The following ATG7 variants were observed in gnomAD, a reference collection of about 807,000 sequenced individuals.
The protein encoded by ATG7 is autophagy related 7, also known as ubiquitin-like modifier-activating enzyme ATG7.
ATG7 carries 70 observed loss-of-function variants against 82.4 expected under a neutral mutation model. That is an observed-to-expected ratio of 0.85 (90% confidence interval 0.70 to 1.04). ATG7 has a LOEUF of 1.04. Among genes scored for constraint, ATG7 ranks in the 50% least tolerant of loss-of-function variants. ATG7 has a pLI of 0.00. For missense variants in ATG7, 792 were observed against 864.3 expected (o/e 0.92, Z 1.05); for synonymous variants, 287 against 313.0 (o/e 0.92, Z 0.88).
chr3:11,548,274 T>C (rs1285562486), intron 20 of ATG7, among the ~76,000 whole-genome samples: 2 of 152,200 alleles, frequency 1.3e-5, no homozygotes, highest in Non-Finnish European at 2.9e-5. Flanking sequence ...CCTGTCTTTA[T>C]ATATTCTAGA....
At chr3:11,429,742 G>A (rs1300334057) in intron 20 of ATG7, among the ~76,000 whole-genome samples, 1 of 151,826 alleles carries the variant, frequency 6.6e-6, no homozygotes, top group Non-Finnish European at 1.5e-5. Context: ...GAGCTCAGGA[G>A]TTTGAGACCA....
In ATG7 at chr3:11,272,425, G is replaced by C. The variant is rs1940630434; in HGVS notation, c.-371G>C. On this transcript the variant is annotated 5_prime_UTR_variant, in exon 1 of 21. Coordinates refer to ENST00000693202, the MANE Select transcript of ATG7 (RefSeq NM_001349232.2). ...GAGAGCTGTGGTTGCCGGAAGTTGAGCGGCGGTAAGTGAGCCGCGGCGGGC... is the reference window on the plus strand; with the variant it reads ...GAGAGCTGTGGTTGCCGGAAGTTGACCGGCGGTAAGTGAGCCGCGGCGGGC... 1 of 152,514 alleles carries C rather than the reference G, an allele frequency of 6.6e-6. No individual in the cohort carries two copies. Among genetic ancestry groups the C allele is most frequent in the Non-Finnish European group, 1.5e-5 (1 of 68,134 alleles). 9.4% of individuals were successfully genotyped at this position (152,514 alleles called of 1,614,324 possible).
At position 11,272,414 on chromosome 3, in the gene ATG7, C is replaced by G. The variant is rs1212982653; in HGVS notation, c.-382C>G. 6.6e-6 allele frequency: 1 copy of G among 152,482 alleles called. No individual in the cohort carries two copies. The allele number at this position is 152,482 out of a possible 1,614,324, so 9.4% of individuals were successfully genotyped here. On this transcript the variant is annotated 5_prime_UTR_variant, in exon 1 of 21. Coordinates refer to ENST00000693202, the MANE Select transcript of ATG7 (RefSeq NM_001349232.2). ...CGCGCCTCAGAGAGAGCTGTGGTTG[C>G]CGGAAGTTGAGCGGCGGTAAGTGAG... is the stretch of plus-strand genomic sequence containing the variant.
intron 6 of ATG7, among the ~76,000 whole-genome samples, chr3:11,307,828 C>T (rs945252383): frequency 6.6e-6 from 1 of 152,152 alleles, no homozygotes; most frequent in Non-Finnish European, 1.5e-5. Context: ...GGTGTGGGTG[C>T]AGTGGTCAGG....
chr3:11,479,956 C>T (rs2088730724), intron 20 of ATG7, among the ~76,000 whole-genome samples: 2 of 149,504 alleles, frequency 1.3e-5, no homozygotes, highest in African/African-American at 4.9e-5. Context: ...GAGATGGAGT[C>T]TCCCTCTGTC....
intron 20 of ATG7, among the ~76,000 whole-genome samples, chr3:11,455,449 C>T (rs563957736): frequency 3.7e-4 from 57 of 152,312 alleles, no homozygotes; most frequent in African/African-American, 1.1e-3. Flanking sequence ...TGGTGGTCCA[C>T]TCATACCTCC....
intron 13 of ATG7, 111 bp downstream of exon 13, chr3:11,342,390 C>T: frequency 7.7e-7 from 1 of 1,295,430 alleles, no homozygotes; most frequent in Non-Finnish European, 1.0e-6. Flanking sequence ...CTCCATCTCT[C>T]CCTCCCTTCC....
At chr3:11,435,026 T>A (rs1415374015) in intron 20 of ATG7, among the ~76,000 whole-genome samples, 1 of 152,100 alleles carries the variant, frequency 6.6e-6, no homozygotes, top group Non-Finnish European at 1.5e-5. Flanking sequence ...TAGAAAAAAA[T>A]GAAATGCTTT....
intron 3 of ATG7, among the ~76,000 whole-genome samples, chr3:11,282,884 A>C (rs1024787462): frequency 2.0e-5 from 3 of 152,140 alleles, no homozygotes; most frequent in Non-Finnish European, 4.4e-5. Flanking sequence ...TCCTTTTTAC[A>C]CATCAGCAGC....
intron 3 of ATG7, among the ~76,000 whole-genome samples, chr3:11,293,319 C>A (rs1945266133): frequency 6.6e-6 from 1 of 151,654 alleles, no homozygotes; most frequent in African/African-American, 2.4e-5. Flanking sequence ...TGCTTGAGGT[C>A]AGGAGTTTGA....
chr3:11,574,002 C>T, the ATG7 span, among the ~76,000 whole-genome samples: 1 of 152,198 alleles, frequency 6.6e-6, no homozygotes, highest in African/African-American at 2.4e-5. Context: ...CCGTCATCAA[C>T]AAGCCATGGA....
intron 20 of ATG7, among the ~76,000 whole-genome samples, chr3:11,503,411 C>G (rs2091481048): frequency 6.6e-6 from 1 of 152,058 alleles, no homozygotes; most frequent in Non-Finnish European, 1.5e-5. Context: ...TATATCTTAT[C>G]CCTCAGTGAA....
At chr3:11,527,410 T>C (rs919747402) in intron 20 of ATG7, among the ~76,000 whole-genome samples, 5 of 152,144 alleles carry the variant, frequency 3.3e-5, no homozygotes, top group Admixed American at 2.6e-4. Context: ...TTTTTTCTTA[T>C]ATTGAACCAT....
intron 20 of ATG7, among the ~76,000 whole-genome samples, chr3:11,519,973 C>T (rs1036803158): frequency 5.3e-5 from 8 of 152,128 alleles, no homozygotes; most frequent in Non-Finnish European, 8.8e-5. Flanking sequence ...GATCTTACCA[C>T]GGAAATAGCT....
the ATG7 span, chr3:11,568,844 C>A: frequency 1.6e-5 from 22 of 1,390,630 alleles, no homozygotes; most frequent in Middle Eastern, 5.4e-4. This position sits in a 1 kb window ranked among gnomAD's most constrained non-coding sequence, Gnocchi z 5.9. Context: ...TGAGTGGCTC[C>A]GTGCCAGGCC....
At chr3:11,317,274 G>T (rs1268266888) in intron 9 of ATG7, among the ~76,000 whole-genome samples, 2 of 152,274 alleles carry the variant, frequency 1.3e-5, no homozygotes, top group East Asian at 1.9e-4. Context: ...CCAATCTAGT[G>T]TGAAGTCCTC....
At chr3:11,284,513 C>T (rs1270994779) in intron 3 of ATG7, among the ~76,000 whole-genome samples, 1 of 152,150 alleles carries the variant, frequency 6.6e-6, no homozygotes, top group Admixed American at 6.5e-5. Context: ...CTTCGTAGGA[C>T]TGGTATGGTT....
chr3:11,448,508 C>T (rs2084791795), intron 20 of ATG7, among the ~76,000 whole-genome samples: 1 of 152,226 alleles, frequency 6.6e-6, no homozygotes, highest in Non-Finnish European at 1.5e-5. Flanking sequence ...AGTCTAAAAA[C>T]TTACTTGCCG....
At chr3:11,521,710 G>C (rs551673553) in intron 20 of ATG7, among the ~76,000 whole-genome samples, 1 of 151,980 alleles carries the variant, frequency 6.6e-6, no homozygotes, top group Non-Finnish European at 1.5e-5. Context: ...CTGCCACCAC[G>C]CCTGGCTAAT....
Sources: allele counts gnomAD v4.1 joint callset (sites outside exome capture counted in the v4.1 genomes callset), GRCh38; gene constraint gnomAD v4.1.1; non-coding constraint Gnocchi (gnomAD v3.1); transcripts MANE v1.5; gene names NCBI Gene and HGNC (gene_info 2026-07-23, HGNC 2026-07-21).